CSMD2: variants seen among roughly 807,000 people sequenced by gnomAD.
CSMD2 encodes CUB and sushi domain-containing protein 2.
CSMD2 carries 130 observed loss-of-function variants against 398.5 expected under a neutral mutation model. The ratio of observed to expected loss-of-function variants is 0.33; its 90% confidence interval spans 0.28 to 0.38. The LOEUF (loss-of-function observed/expected upper bound fraction) is 0.38, where lower values mean the gene tolerates loss of function less well. Ranked by LOEUF, CSMD2 falls within the 10% of genes least tolerant of loss-of-function variation. The probability of loss-of-function intolerance (pLI) is 1.00; values close to 1 mark genes in which losing one functional copy is unlikely to be tolerated. For synonymous variants in CSMD2, 1,828 were observed against 1,908.5 expected (o/e 0.96, Z 1.10); for missense variants, 3,829 against 4,764.9 (o/e 0.80, Z 5.78).
chr1:33,830,720 A>C (rs1006750189), intron 6 of CSMD2, among the ~76,000 whole-genome samples: 6 of 152,256 alleles, frequency 3.9e-5, no homozygotes, highest in Non-Finnish European at 7.3e-5. Context: ...TCTGAGCTAC[A>C]AGAGGAAATT....
At position 33,569,439 on chromosome 1, in the gene CSMD2, A is replaced by G. The variant is rs753488499; in HGVS notation, c.8066T>C (p.Val2689Ala). ...IFSCNSGYTL[V>A]GSRVRECMAN... Reference sequence around the variant, plus strand: ...CATGCACTCACGCACCCTGGAGCCCACCAGTGTGTATCCGGAATTGCAGGA... The same window carrying G: ...CATGCACTCACGCACCCTGGAGCCCGCCAGTGTGTATCCGGAATTGCAGGA... Residue 2689 changes from valine (V) to alanine (A), a missense_variant, in exon 52 of 71, where the codon GTG (valine) becomes GCG (alanine). Around this residue, in one of 5 missense-constraint regions of CSMD2, gnomAD observed 723 missense variants for 758.6 expected, o/e 0.95. Coordinates refer to ENST00000373381, the MANE Select transcript of CSMD2 (RefSeq NM_001281956.2). 5.0e-6 allele frequency: 8 copies of G among 1,614,166 alleles called. No homozygotes were observed. In the South Asian group the frequency reaches 8.8e-5, roughly 18 times the overall value.
rs142457038 is a variant in CSMD2, at chr1:33,614,509, C to T, written c.6128G>A (p.Gly2043Asp). ...DCSWKIALPV[G>D]FGAHIQFLNF... ...TGGGGGCTGCAGAGACTTACCAAAGCCCACGGGCAGTGCTATTTTCCAGGA... is the reference window on the plus strand; with the variant it reads ...TGGGGGCTGCAGAGACTTACCAAAGTCCACGGGCAGTGCTATTTTCCAGGA... The change falls in exon 40 of 71, where the codon GGC (glycine) becomes GAC (aspartate). Residue 2043 changes from glycine to aspartate, a missense_variant. Gly to Asp is a moderately conservative substitution (Grantham distance 94). Coordinates refer to ENST00000373381, the MANE Select transcript of CSMD2 (RefSeq NM_001281956.2). 6.3e-7 allele frequency: 1 copy of T among 1,590,668 alleles called. No homozygotes were observed. The highest frequency in any genetic ancestry group is 8.6e-7 in the Non-Finnish European group (1 of 1,158,754).
At chr1:33,574,679 G>A (rs570510546) in intron 49 of CSMD2, among the ~76,000 whole-genome samples, 20 of 152,326 alleles carry the variant, frequency 1.3e-4, no homozygotes, top group African/African-American at 4.8e-4. Context: ...TTCAGAGGGA[G>A]AGAAGTTGGA....
chr1:33,859,272 A>T (rs1639317172), intron 5 of CSMD2, among the ~76,000 whole-genome samples: 2 of 152,180 alleles, frequency 1.3e-5, no homozygotes, highest in African/African-American at 2.4e-5. Flanking sequence ...CTAGGGGACA[A>T]TCCTTTTGCT....
At chr1:34,162,064 C>T (rs1205323314) in intron 1 of CSMD2, among the ~76,000 whole-genome samples, 1 of 150,864 alleles carries the variant, frequency 6.6e-6, no homozygotes, top group African/African-American at 2.4e-5. Flanking sequence ...CACAGCTACT[C>T]AGGAGGCTGA....
At chr1:33,830,741 G>T (rs563031138) in intron 6 of CSMD2, among the ~76,000 whole-genome samples, 1 of 152,170 alleles carries the variant, frequency 6.6e-6, no homozygotes, top group African/African-American at 2.4e-5. Context: ...CAAACCAAAG[G>T]CAAAGAAGTT....
intron 67 of CSMD2, 72 bp from the exon 68 acceptor site, chr1:33,521,622 C>G (rs767672281): frequency 4.1e-6 from 4 of 969,348 alleles, no homozygotes; most frequent in Non-Finnish European, 6.7e-6. Context: ...TCTCATCATA[C>G]ACGCTGCCCA....
chr1:34,071,879 A>G (rs947187026), intron 2 of CSMD2, among the ~76,000 whole-genome samples: 1 of 152,276 alleles, frequency 6.6e-6, no homozygotes, highest in African/African-American at 2.4e-5. Context: ...TAGTCCTTCT[A>G]TATGCATCTC....
intron 5 of CSMD2, among the ~76,000 whole-genome samples, chr1:33,906,320 G>C (rs771237696): frequency 2.0e-5 from 3 of 152,252 alleles, no homozygotes; most frequent in Non-Finnish European, 4.4e-5. Flanking sequence ...GTAGACAACA[G>C]AAGATGATTG....
intron 5 of CSMD2, among the ~76,000 whole-genome samples, chr1:33,849,932 T>C (rs890681973): frequency 6.6e-6 from 1 of 152,022 alleles, no homozygotes; most frequent in Admixed American, 6.6e-5. Context: ...GTAAAAGACC[T>C]TATTATAGCC....
chr1:33,525,101 G>A, intron 65 of CSMD2, 58 bp from the exon 66 acceptor site: 1 of 1,573,330 alleles, frequency 6.4e-7, no homozygotes, highest in Non-Finnish European at 8.7e-7. Context: ...CAGAATTGGG[G>A]TAGCCTGATG....
intron 6 of CSMD2, among the ~76,000 whole-genome samples, chr1:33,829,125 C>G (rs10914788): frequency 0.16 from 23,712 of 152,136 alleles, 3,425 homozygotes; most frequent in African/African-American, 0.39. Flanking sequence ...TTGTCCTCAT[C>G]ATGTTAGCGC....
intron 12 of CSMD2, among the ~76,000 whole-genome samples, chr1:33,773,769 G>A (rs1042936887): frequency 3.9e-5 from 6 of 152,168 alleles, no homozygotes; most frequent in African/African-American, 1.4e-4. Context: ...GTGAGGTGAG[G>A]ACTGTATGAG....
At chr1:33,732,931 C>T (rs1277601178) in intron 15 of CSMD2, among the ~76,000 whole-genome samples, 1 of 152,190 alleles carries the variant, frequency 6.6e-6, no homozygotes, top group Non-Finnish European at 1.5e-5. Context: ...AGACATTAAC[C>T]TCATTTCATA....
intron 1 of CSMD2, among the ~76,000 whole-genome samples, chr1:34,120,750 G>A (rs1369953228): frequency 1.3e-5 from 2 of 152,082 alleles, no homozygotes; most frequent in Non-Finnish European, 2.9e-5. Flanking sequence ...TCACCATGTT[G>A]GCCAGGCTGG....
chr1:33,997,660 C>T (rs1248211918), intron 3 of CSMD2, among the ~76,000 whole-genome samples: 1 of 152,022 alleles, frequency 6.6e-6, no homozygotes, highest in African/African-American at 2.4e-5. Context: ...GCTGAGAGCT[C>T]ATTTGAGTAA....
At chr1:33,799,774 C>A (rs183144049) in intron 10 of CSMD2, among the ~76,000 whole-genome samples, 20 of 152,308 alleles carry the variant, frequency 1.3e-4, no homozygotes, top group African/African-American at 4.8e-4. Context: ...ATACAAGGAG[C>A]ATGAGACCCG....
At chr1:33,982,699 CT>C (rs1646214288) in intron 3 of CSMD2, among the ~76,000 whole-genome samples, 1 of 152,158 alleles carries the variant, frequency 6.6e-6, no homozygotes, top group Non-Finnish European at 1.5e-5. Context: ...AAGGATATCC[CT>C]GGCAGAGGGA....
chr1:34,101,312 ATC>A (rs1659920684), intron 1 of CSMD2, among the ~76,000 whole-genome samples: 1 of 152,174 alleles, frequency 6.6e-6, no homozygotes, highest in Non-Finnish European at 1.5e-5. Flanking sequence ...CTCCAGAACA[ATC>A]TCAGAGAACT....
Sources: allele counts gnomAD v4.1 joint callset (sites outside exome capture counted in the v4.1 genomes callset), GRCh38; gene constraint gnomAD v4.1.1; regional missense constraint gnomAD v4.1.1; transcripts MANE v1.5; gene names NCBI Gene and HGNC (gene_info 2026-07-23, HGNC 2026-07-21).